Variants in MYCBP2 observed in about 807,000 individuals in gnomAD.
The protein encoded by MYCBP2 is E3 ubiquitin-protein ligase MYCBP2.
Under a neutral mutation model 525.3 loss-of-function variants are expected in MYCBP2, and 120 were observed. The ratio of observed to expected loss-of-function variants is 0.23; its 90% CI spans 0.20 to 0.27. MYCBP2 has a LOEUF of 0.27. MYCBP2 is among the 10% of genes least tolerant of loss of function. MYCBP2 has a pLI of 1.00. For synonymous variants in MYCBP2, 1,894 were observed against 1,955.8 expected (o/e 0.97, Z 0.83); for missense variants, 4,149 against 5,657.1 (o/e 0.73, Z 8.55).
intron 30 of MYCBP2, among the ~76,000 whole-genome samples, chr13:77,188,068 C>T (rs1196938959): frequency 7.6e-6 from 1 of 130,954 alleles, no homozygotes; most frequent in Non-Finnish European, 1.6e-5. Flanking sequence ...GAGACTCTGC[C>T]TCACCAAAAA....
intron 1 of MYCBP2, among the ~76,000 whole-genome samples, chr13:77,300,372 C>T (rs1567198758): frequency 6.6e-6 from 1 of 152,170 alleles, no homozygotes; most frequent in Non-Finnish European, 1.5e-5. Context: ...AAGCAGCCAT[C>T]GGCAGCACAT....
chr13:77,134,887 A>G (rs1467977596), intron 52 of MYCBP2, among the ~76,000 whole-genome samples: 2 of 152,244 alleles, frequency 1.3e-5, no homozygotes, highest in Non-Finnish European at 2.9e-5. Context: ...TTCATACTTA[A>G]CGATGAATAC....
At chr13:77,169,810 A>G (rs1326045933) in intron 38 of MYCBP2, 96 bp from the exon 39 acceptor site, 3 of 1,070,448 alleles carry the variant, frequency 2.8e-6, no homozygotes, top group Non-Finnish European at 4.2e-6. Context: ...TGCTCTTTTG[A>G]GCGAAACTAT....
chr13:77,104,179 A>G (rs2047501378), intron 55 of MYCBP2, among the ~76,000 whole-genome samples: 1 of 152,110 alleles, frequency 6.6e-6, no homozygotes, highest in Non-Finnish European at 1.5e-5. Flanking sequence ...TCAGGTAGTA[A>G]GGAGATAGTT....
At chr13:77,233,302 C>CAAAATGAAAACACT (rs771103069) in intron 17 of MYCBP2, 39 bp from the exon 18 acceptor site, 1 of 1,456,114 alleles carries the variant, frequency 6.9e-7, no homozygotes, top group South Asian at 1.2e-5. Context: ...GAAAAACTCA[C>CAAAATGAAAACACT]AAAATGAAAA....
Position 77,134,609 on chromosome 13 carries a change from A to G in MYCBP2, c.7659+4587T>C, listed in dbSNP as rs1402990492. 4.6e-5 allele frequency among the ~76,000 whole-genome samples: 7 copies of G among 152,210 alleles called. 1 individual carries two copies. In the South Asian group the frequency reaches 1.2e-3, roughly 27 times the overall value. On this transcript the variant is annotated intron_variant, in intron 52 of 82. Coordinates refer to ENST00000544440, the MANE Select transcript of MYCBP2 (RefSeq NM_015057.5). ...AAAAAAAAAAGGAAAAGTGTTCTAA[A>G]AAGGGCAAAAAGTTCTACATAATTG...
chr13:77,158,081 C>T lies in MYCBP2; in HGVS notation c.6626G>A (p.Gly2209Glu), dbSNP rs2057426765. The change falls in exon 45 of 83, where the codon GGA becomes GAA. Residue 2209 changes from glycine (G) to glutamate (E), a missense_variant. Physicochemically the swap from Gly to Glu is moderately conservative, Grantham distance 98. This residue lies in a region of MYCBP2 where 692 missense variants were observed against 852.7 expected (regional missense o/e 0.81). Coordinates refer to ENST00000544440, the MANE Select transcript of MYCBP2 (RefSeq NM_015057.5). ...TGAATGAGAAAGAGCTAGACCCTTT[C>T]CAAGAATTCCAGAATGGGTTTTGCA... ...QVCKTHSGIL[G>E]KGLALSHSPT... The T allele has an allele frequency of 6.3e-7, 1 of 1,595,268 alleles. No homozygotes were observed. The highest frequency in any genetic ancestry group is 8.5e-7 in the Non-Finnish European group (1 of 1,172,786).
Position 77,045,000 on chromosome 13 carries a change from T to C in MYCBP2, c.*378A>G. On this transcript the variant is annotated 3_prime_UTR_variant, in exon 83 of 83. Transcript: ENST00000544440. Reference sequence around the variant, plus strand: ...ATTGTACAGGATTACAAAAAGGCAGTATACAATAAACAATGATTATTTTTC... The same window carrying C: ...ATTGTACAGGATTACAAAAAGGCAGCATACAATAAACAATGATTATTTTTC... 2.5e-6 allele frequency: 1 copy of C among 404,046 alleles called. No homozygotes were observed. Among genetic ancestry groups the C allele is most frequent in the Non-Finnish European group, 4.4e-6 (1 of 228,848 alleles). The allele number at this position is 404,046 out of a possible 1,614,324, so 25.0% of individuals were successfully genotyped here.
intron 44 of MYCBP2, among the ~76,000 whole-genome samples, chr13:77,160,553 T>C (rs73241411): frequency 0.022 from 3,375 of 152,278 alleles, 56 homozygotes; most frequent in Middle Eastern, 0.075. Context: ...TTCTGAGTCT[T>C]CAAGAAGTCA....
chr13:77,307,582 T>C (rs1307047492), intron 1 of MYCBP2, among the ~76,000 whole-genome samples: 1 of 125,022 alleles, frequency 8.0e-6, no homozygotes, highest in Non-Finnish European at 1.5e-5. Flanking sequence ...GCTATGGTCA[T>C]GCCACTGCAC....
At chr13:77,188,257 A>G (rs763142163) in intron 30 of MYCBP2, among the ~76,000 whole-genome samples, 1 of 152,160 alleles carries the variant, frequency 6.6e-6, no homozygotes, top group African/African-American at 2.4e-5. Flanking sequence ...GGAAAGAAAC[A>G]TTCTTCCTAT....
chr13:77,224,586 A>G (rs984071916), intron 19 of MYCBP2, 54 bp from the exon 20 acceptor site: 3 of 1,080,824 alleles, frequency 2.8e-6, no homozygotes, highest in Non-Finnish European at 4.3e-6. Context: ...TTACATTTCT[A>G]TCACAACTAT....
At chr13:77,147,339 A>ATGCTT (rs1251328818) in intron 47 of MYCBP2, among the ~76,000 whole-genome samples, 12 of 152,244 alleles carry the variant, frequency 7.9e-5, no homozygotes, top group African/African-American at 2.9e-4. Flanking sequence ...CTTAATAAAA[A>ATGCTT]AATAACAAAA....
intron 52 of MYCBP2, among the ~76,000 whole-genome samples, chr13:77,131,167 C>T (rs563637101): frequency 5.3e-4 from 81 of 152,188 alleles, no homozygotes; most frequent in African/African-American, 1.8e-3. Context: ...CCTAATAAAA[C>T]TGCATTTATC....
intron 2 of MYCBP2, 59 bp downstream of exon 2, chr13:77,296,540 T>G: frequency 6.6e-7 from 1 of 1,507,388 alleles, no homozygotes; most frequent in East Asian, 2.5e-5. Context: ...ATCTTGGCAT[T>G]TTTATTCAAA....
intron 73 of MYCBP2, 113 bp from the exon 74 acceptor site, chr13:77,062,810 A>G (rs2039540080): frequency 2.5e-6 from 2 of 791,552 alleles, no homozygotes; most frequent in South Asian, 3.2e-5. Flanking sequence ...GAAAATACAT[A>G]GATACTCAGT....
chr13:77,054,175 T>C (rs2037389508), intron 80 of MYCBP2, among the ~76,000 whole-genome samples: 1 of 151,956 alleles, frequency 6.6e-6, no homozygotes, highest in Non-Finnish European at 1.5e-5. Context: ...GAGTAAAATA[T>C]GCAGGGGGAG....
chr13:77,128,694 CA>C (rs2052161854), intron 52 of MYCBP2, among the ~76,000 whole-genome samples: 1 of 151,836 alleles, frequency 6.6e-6, no homozygotes. Context: ...TAGTAAAATA[CA>C]TGCTTTATTC....
intron 50 of MYCBP2, 56 bp from the exon 51 acceptor site, chr13:77,140,219 C>G: frequency 3.6e-6 from 4 of 1,105,754 alleles, no homozygotes; most frequent in African/African-American, 1.6e-5. Flanking sequence ...AGAGATCTTA[C>G]AAGTAGCAAG....
Sources: gnomAD v4.1 joint callset for allele counts (sites outside exome capture counted in the v4.1 genomes callset) on GRCh38, gnomAD v4.1.1 for gene constraint, gnomAD v4.1.1 regional missense constraint, MANE v1.5 for transcripts, NCBI Gene and HGNC (gene_info 2026-07-23, HGNC 2026-07-21) for gene names.